Variants in PLA2G4E observed in about 807,000 individuals in gnomAD.
PLA2G4E encodes the protein phospholipase A2 group IVE, also known as cytosolic phospholipase A2 epsilon.
PLA2G4E carries 84 observed loss-of-function variants against 109.1 expected under a neutral mutation model. The observed-to-expected ratio is 0.77, with a 90% confidence interval of 0.65 to 0.92. The LOEUF is 0.92. Among genes scored for constraint, PLA2G4E ranks in the 40% least tolerant of loss-of-function variants. The pLI is 0.00. For missense variants in PLA2G4E, 1,057 were observed against 1,076.6 expected, an observed-to-expected ratio of 0.98 and a Z score of 0.25; for synonymous variants, 469 against 436.1, an observed-to-expected ratio of 1.08 and a Z score of -0.94.
intron 1 of PLA2G4E, among the ~76,000 whole-genome samples, chr15:42,028,621 G>A (rs1419257098): frequency 1.3e-5 from 2 of 152,010 alleles, no homozygotes; most frequent in African/African-American, 4.8e-5. Context: ...GGGCCAGGCT[G>A]GTGTCAAACT....
chr15:42,044,013 G>A (rs12148273), intron 1 of PLA2G4E, among the ~76,000 whole-genome samples: 11,470 of 152,250 alleles, frequency 0.075, 554 homozygotes, highest in Middle Eastern at 0.11. Context: ...AGGTTGGCAT[G>A]GGCTGGAGAA....
At chr15:42,003,900 G>T (rs1668569) in intron 5 of PLA2G4E, among the ~76,000 whole-genome samples, 3 of 151,650 alleles carry the variant, frequency 2.0e-5, no homozygotes, top group African/African-American at 7.3e-5. Flanking sequence ...TCCTTTCCTT[G>T]CTTTCCTTCC....
At chr15:42,005,041 C>G in intron 4 of PLA2G4E, 63 bp from the exon 5 acceptor site, 1 of 1,585,920 alleles carries the variant, frequency 6.3e-7, no homozygotes, top group Non-Finnish European at 8.6e-7. Context: ...TGACCAGAAC[C>G]CTTTGCCACC....
At chr15:42,006,345 T>C in intron 3 of PLA2G4E, 1 of 422,788 alleles carries the variant, frequency 2.4e-6, no homozygotes, top group East Asian at 4.7e-5. Flanking sequence ...TGGCCTTCTG[T>C]TCTCACTTTC....
chr15:41,999,684 G>T (rs2068393134), intron 9 of PLA2G4E, 123 bp from the exon 10 acceptor site: 3 of 1,266,890 alleles, frequency 2.4e-6, no homozygotes, highest in Non-Finnish European at 3.3e-6. Context: ...CTCCATCCCT[G>T]CCTCTCTCTT....
intron 1 of PLA2G4E, among the ~76,000 whole-genome samples, chr15:42,017,615 G>A (rs930736204): frequency 6.6e-6 from 1 of 152,184 alleles, no homozygotes; most frequent in African/African-American, 2.4e-5. Flanking sequence ...TTCTCCCACT[G>A]AGAATCTCAG....
At chr15:42,036,669 C>G (rs1889222018) in intron 1 of PLA2G4E, among the ~76,000 whole-genome samples, 1 of 152,190 alleles carries the variant, frequency 6.6e-6, no homozygotes, top group Non-Finnish European at 1.5e-5. Context: ...AGCTCATAGC[C>G]GTGTCGCCCC....
At chr15:41,994,121 G>C (rs1296961929) in intron 12 of PLA2G4E, among the ~76,000 whole-genome samples, 1 of 152,214 alleles carries the variant, frequency 6.6e-6, no homozygotes, top group East Asian at 1.9e-4. Context: ...CTACTCCACT[G>C]CTCATTAACT....
At chr15:42,016,973 C>T (rs867239954) in intron 1 of PLA2G4E, among the ~76,000 whole-genome samples, 19 of 152,242 alleles carry the variant, frequency 1.2e-4, no homozygotes, top group African/African-American at 2.9e-4. Context: ...TCACTCTGCC[C>T]GAGTGCAGCA....
intron 1 of PLA2G4E, among the ~76,000 whole-genome samples, chr15:42,019,402 G>C (rs1015843583): frequency 2.0e-5 from 3 of 152,216 alleles, no homozygotes; most frequent in African/African-American, 7.2e-5. Context: ...TTTCAGAGGT[G>C]GTGGATCCGA....
At chr15:41,989,664 A>C (rs1419368758) in intron 14 of PLA2G4E, 112 bp from the exon 15 acceptor site, 1 of 1,406,172 alleles carries the variant, frequency 7.1e-7, no homozygotes, top group Non-Finnish European at 9.5e-7. Context: ...AGCCTGGGAC[A>C]GGGAGGCCGC....
intron 19 of PLA2G4E, 48 bp downstream of exon 19, chr15:41,984,388 C>A: frequency 6.4e-7 from 1 of 1,550,724 alleles, no homozygotes; most frequent in South Asian, 1.2e-5. Context: ...AAGGCATTCC[C>A]GGGCCAAGGG....
At chr15:42,026,820 A>G (rs908791594) in intron 1 of PLA2G4E, among the ~76,000 whole-genome samples, 1 of 152,034 alleles carries the variant, frequency 6.6e-6, no homozygotes, top group Non-Finnish European at 1.5e-5. Context: ...TAAAAATACA[A>G]AAATTAGCTG....
At chr15:42,018,429 A>C (rs1668562) in intron 1 of PLA2G4E, among the ~76,000 whole-genome samples, 1 of 151,950 alleles carries the variant, frequency 6.6e-6, no homozygotes. Context: ...GAGTCAAACT[A>C]TTTAAGAACA....
chr15:42,029,448 A>G (rs898711967), intron 1 of PLA2G4E, among the ~76,000 whole-genome samples: 1 of 152,154 alleles, frequency 6.6e-6, no homozygotes, highest in Admixed American at 6.5e-5. Flanking sequence ...TCTTCCTGCC[A>G]TTAAAACTTG....
intron 10 of PLA2G4E, 40 bp downstream of exon 10, chr15:41,999,484 T>G (rs2068389934): frequency 6.8e-7 from 1 of 1,462,060 alleles, no homozygotes; most frequent in East Asian, 2.3e-5. Context: ...CCCACTGCTA[T>G]GAATAAGTGA....
chr15:42,016,725 T>G (rs917187671), intron 1 of PLA2G4E, among the ~76,000 whole-genome samples: 1 of 152,236 alleles, frequency 6.6e-6, no homozygotes, highest in Non-Finnish European at 1.5e-5. Flanking sequence ...TCTCCTCTCC[T>G]GAACAGCTGC....
At chr15:42,004,891 C>T (rs1031257401) in intron 5 of PLA2G4E, 47 bp downstream of exon 5, 12 of 1,603,002 alleles carry the variant, frequency 7.5e-6, no homozygotes, top group Middle Eastern at 1.6e-4. Context: ...CCAGAAGCTA[C>T]TTGATGGCCA....
At chr15:42,013,125 C>T (rs1034671545) in intron 2 of PLA2G4E, among the ~76,000 whole-genome samples, 1 of 152,190 alleles carries the variant, frequency 6.6e-6, no homozygotes, top group African/African-American at 2.4e-5. Flanking sequence ...ACAAACAGTG[C>T]TGCTAAGTCA....
Sources: allele counts gnomAD v4.1 joint callset (sites outside exome capture counted in the v4.1 genomes callset), GRCh38; gene constraint gnomAD v4.1.1; transcripts MANE v1.5; gene names NCBI Gene and HGNC (gene_info 2026-07-23, HGNC 2026-07-21).